The following OR52A1 variants were observed in gnomAD, a reference collection of about 807,000 sequenced individuals.
The protein encoded by OR52A1 is olfactory receptor family 52 subfamily A member 1, also known as olfactory receptor 52A1.
Under a neutral mutation model 14.3 loss-of-function variants are expected in OR52A1, and 14 were observed. The ratio of observed to expected loss-of-function variants is 0.98; its 90% CI spans 0.65 to 1.54. The LOEUF is 1.54. Ranked by LOEUF, OR52A1 falls within the 40% of genes most tolerant of loss-of-function variation. The pLI is 0.00. For missense variants in OR52A1, 405 were observed against 381.3 expected (o/e 1.06, Z -0.52); for synonymous variants, 151 against 135.3 (o/e 1.12, Z -0.80).
In OR52A1 at chr11:5,147,877, C is replaced by A. The variant is rs560409686; in HGVS notation, c.*3554G>T. 1 of 151,452 alleles carries A rather than the reference C, an allele frequency of 6.6e-6. No homozygotes were observed. The highest frequency in any genetic ancestry group is 2.1e-4 in the South Asian group (1 of 4,766). The allele number at this position is 151,452 out of a possible 1,614,324, so 9.4% of individuals were successfully genotyped here. A position where few individuals can be genotyped will look rare whatever the true frequency, so the allele number is the denominator to read the frequency against. ...GAGACATCTCGACTCACCGCAACTT[C>A]TGCCTCCCGGGTTCAAGCGATTCTC... is the stretch of plus-strand genomic sequence containing the variant. On this transcript the variant is annotated 3_prime_UTR_variant, in exon 2 of 2. Coordinates refer to ENST00000380367, the MANE Select transcript of OR52A1 (RefSeq NM_012375.3).
rs1450600883 is a variant in OR52A1, at chr11:5,149,678, C to G, written c.*1753G>C. ...TGAATTTGCCTCTTTTTCCATAAAG[C>G]CTTAGCTATATATTATTTGGCCATT... On this transcript the variant is annotated 3_prime_UTR_variant, in exon 2 of 2. Coordinates refer to ENST00000380367, the MANE Select transcript of OR52A1 (RefSeq NM_012375.3). The G allele has an allele frequency of 2.0e-5, 3 of 152,034 alleles. No homozygotes were observed. Among genetic ancestry groups the G allele is most frequent in the Admixed American group, 1.3e-4 (2 of 15,264 alleles). The allele number at this position is 152,034 out of a possible 1,614,324, so 9.4% of individuals were successfully genotyped here. A position where few individuals can be genotyped will look rare whatever the true frequency, so the allele number is the denominator to read the frequency against.
chr11:5,152,035 A>G lies in OR52A1; in HGVS notation c.335T>C (p.Ile112Thr), dbSNP rs1468103001. 10 of 1,614,098 alleles carry G rather than the reference A, an allele frequency of 6.2e-6. No homozygotes were observed. The highest frequency in any genetic ancestry group is 7.6e-6 in the Non-Finnish European group (9 of 1,179,972). ...QMWFIHTLQGIESGILVAMAL... is the reference protein window; with the variant it reads ...QMWFIHTLQGTESGILVAMAL... ...CATGGCCACAAGGATGCCTGACTCTATACCCTGCAATGTGTGGATGAACCA... is the reference window on the plus strand; with the variant it reads ...CATGGCCACAAGGATGCCTGACTCTGTACCCTGCAATGTGTGGATGAACCA... The change falls in exon 2 of 2, where the codon ATA (isoleucine) becomes ACA (threonine). Residue 112 changes from isoleucine (I) to threonine (T), a missense_variant. Ile to Thr is a moderately conservative substitution (Grantham distance 89). Coordinates refer to ENST00000380367, the MANE Select transcript of OR52A1 (RefSeq NM_012375.3).
rs767335072 is a variant in OR52A1, at chr11:5,151,839, G to A, written c.531C>T (p.Ile177=). The change falls in exon 2 of 2, where the codon ATC becomes ATT. Residue 177 remains isoleucine, a synonymous_variant. Coordinates refer to ENST00000380367, the MANE Select transcript of OR52A1 (RefSeq NM_012375.3). ...CCATATGCTCACAGTAGGAGTGGGA[G>A]ATGACTGTTGTGTGATAAAATTGAA... is the stretch of plus-strand genomic sequence containing the variant. The part of the protein sequence containing the change: ...CRFQFYHTTV[I]SHSYCEHMAI... The A allele has an allele frequency of 1.2e-6, 2 of 1,614,168 alleles. No homozygotes were observed. The highest frequency in any genetic ancestry group is 1.7e-6 in the Non-Finnish European group (2 of 1,180,020).
chr11:5,152,330 A>G lies in OR52A1; in HGVS notation c.40T>C (p.Leu14=). Reference sequence around the variant, plus strand: ...AGGCCTGGGATCCCTACTAGTGTCAACACAGAGGGCATGTAGACTGTGATG... The same window carrying G: ...AGGCCTGGGATCCCTACTAGTGTCAGCACAGAGGGCATGTAGACTGTGATG... ...SNITVYMPSV[L]TLVGIPGLES... The change falls in exon 2 of 2, where the codon TTG becomes CTG. Residue 14 remains leucine, a synonymous_variant. Coordinates refer to ENST00000380367, the MANE Select transcript of OR52A1 (RefSeq NM_012375.3). 1 of 1,613,126 alleles carries G rather than the reference A, an allele frequency of 6.2e-7. No homozygotes were observed. Among genetic ancestry groups the G allele is most frequent in the Non-Finnish European group, 8.5e-7 (1 of 1,179,326 alleles).
chr11:5,154,423 A>G (rs1846586018), intron 1 of OR52A1, 24 bp downstream of exon 1: 2 of 152,208 alleles, frequency 1.3e-5, no homozygotes, highest in African/African-American at 2.4e-5. Context: ...TCCATTTTTC[A>G]TAACACTTTC....
chr11:5,151,150 T>A lies in OR52A1; in HGVS notation c.*281A>T. 4.0e-6 allele frequency: 1 copy of A among 250,144 alleles called. No homozygotes were observed. Among genetic ancestry groups the A allele is most frequent in the African/African-American group, 2.3e-5 (1 of 44,350 alleles). 15.5% of individuals were successfully genotyped at this position (250,144 alleles called of 1,614,324 possible). A position where few individuals can be genotyped will look rare whatever the true frequency, so the allele number is the denominator to read the frequency against. ...CAAAGGCATAATTTATAAATCCTCC[T>A]GGAGAAATATTCTTAGAAGAATAAC... On this transcript the variant is annotated 3_prime_UTR_variant, in exon 2 of 2. Transcript: ENST00000380367.
At position 5,148,162 on chromosome 11, in the gene OR52A1, A is replaced by G. The variant is rs755579427; in HGVS notation, c.*3269T>C. The G allele has an allele frequency of 2.6e-5, 4 of 151,476 alleles. No homozygotes were observed. Among genetic ancestry groups the G allele is most frequent in the Non-Finnish European group, 5.9e-5 (4 of 67,942 alleles). The allele number at this position is 151,476 out of a possible 1,614,324, so 9.4% of individuals were successfully genotyped here. A position where few individuals can be genotyped will look rare whatever the true frequency, so the allele number is the denominator to read the frequency against. ...GGAAATGAGCCAAATGTTGTAAGTTATTTTTCCCAAATTGAACATTTAAAT... is the reference window on the plus strand; with the variant it reads ...GGAAATGAGCCAAATGTTGTAAGTTGTTTTTCCCAAATTGAACATTTAAAT... On this transcript the variant is annotated 3_prime_UTR_variant, in exon 2 of 2. Transcript: ENST00000380367.
In OR52A1 at chr11:5,151,149, C is replaced by A; in HGVS notation, c.*282G>T. 4.1e-6 allele frequency: 1 copy of A among 245,860 alleles called. No homozygotes were observed. Among genetic ancestry groups the A allele is most frequent in the Admixed American group, 5.0e-5 (1 of 20,022 alleles). The allele number at this position is 245,860 out of a possible 1,614,324, so 15.2% of individuals were successfully genotyped here. ...ACAAAGGCATAATTTATAAATCCTC[C>A]TGGAGAAATATTCTTAGAAGAATAA... On this transcript the variant is annotated 3_prime_UTR_variant, in exon 2 of 2. Coordinates refer to ENST00000380367, the MANE Select transcript of OR52A1 (RefSeq NM_012375.3).
intron 1 of OR52A1, among the ~76,000 whole-genome samples, chr11:5,152,895 T>C (rs1488232253): frequency 1.3e-5 from 2 of 152,166 alleles, no homozygotes; most frequent in African/African-American, 4.8e-5. Context: ...AGAATAGAGG[T>C]AGAAATAATT....
Position 5,151,013 on chromosome 11 carries a change from A to AT in OR52A1, c.*417dup, listed in dbSNP as rs144577977. The AT allele has an allele frequency of 1.7e-3, 249 of 147,974 alleles. No homozygotes were observed. The highest frequency in any genetic ancestry group is 7.0e-3 in the Middle Eastern group (2 of 284). 9.2% of individuals were successfully genotyped at this position (147,974 alleles called of 1,614,324 possible). On this transcript the variant is annotated 3_prime_UTR_variant, in exon 2 of 2. Transcript: ENST00000380367. ...ACACAGTTAACATGTACTTCCTTTG[A>AT]TTTTTTTTTTTAAGGCAGGGATGAT...
rs151313871 is a variant in OR52A1, at chr11:5,152,413, T to C, written c.-44A>G. On this transcript the variant is annotated 5_prime_UTR_variant, in exon 2 of 2. Coordinates refer to ENST00000380367, the MANE Select transcript of OR52A1 (RefSeq NM_012375.3). Reference sequence around the variant, plus strand: ...GATGCAAACAAAAGAAGTTTCTCAGTCAGTGTTACTGTTCCTCTTCTGCTT... The same window carrying C: ...GATGCAAACAAAAGAAGTTTCTCAGCCAGTGTTACTGTTCCTCTTCTGCTT... The C allele has an allele frequency of 1.2e-5, 17 of 1,365,792 alleles. No individual in the cohort carries two copies. The African/African-American group carries it at 1.4e-4, about 12-fold the overall frequency. 84.6% of individuals were successfully genotyped at this position (1,365,792 alleles called of 1,614,324 possible). A position where few individuals can be genotyped will look rare whatever the true frequency, so the allele number is the denominator to read the frequency against.
chr11:5,152,960 T>C (rs1157641026), intron 1 of OR52A1, among the ~76,000 whole-genome samples: 10 of 152,188 alleles, frequency 6.6e-5, no homozygotes, highest in Non-Finnish European at 1.3e-4. Context: ...GTAAAGAGAA[T>C]GCTTTAGAAA....
At position 5,151,328 on chromosome 11, in the gene OR52A1, G is replaced by T; in HGVS notation, c.*103C>A. The T allele has an allele frequency of 1.0e-6, 1 of 964,194 alleles. No homozygotes were observed. The highest frequency in any genetic ancestry group is 1.6e-6 in the Non-Finnish European group (1 of 636,206). 59.7% of individuals were successfully genotyped at this position (964,194 alleles called of 1,614,324 possible). A position where few individuals can be genotyped will look rare whatever the true frequency, so the allele number is the denominator to read the frequency against. On this transcript the variant is annotated 3_prime_UTR_variant, in exon 2 of 2. Coordinates refer to ENST00000380367, the MANE Select transcript of OR52A1 (RefSeq NM_012375.3). ...TCTAAAACCAGCTATTGTGCTGGCA[G>T]ATTTCACAAACCCAGCATCTCAAAT...
At position 5,152,523 on chromosome 11, in the gene OR52A1, A is replaced by G; in HGVS notation, c.-154T>C. 1.6e-6 allele frequency: 1 copy of G among 614,236 alleles called. No individual in the cohort carries two copies. The highest frequency in any genetic ancestry group is 3.0e-5 in the Admixed American group (1 of 33,076). The allele number at this position is 614,236 out of a possible 1,614,324, so 38.0% of individuals were successfully genotyped here. On this transcript the variant is annotated 5_prime_UTR_variant, in exon 2 of 2. Transcript: ENST00000380367. Reference sequence around the variant, plus strand: ...CATCCATCTTATTCACAGTTTTGAAAGGAAAAGATGGATTCATGGAGATAC... The same window carrying G: ...CATCCATCTTATTCACAGTTTTGAAGGGAAAAGATGGATTCATGGAGATAC...
Position 5,149,007 on chromosome 11 carries a change from C to T in OR52A1, c.*2424G>A, listed in dbSNP as rs1357478030. 6.6e-6 allele frequency: 1 copy of T among 152,092 alleles called. No individual in the cohort carries two copies. 9.4% of individuals were successfully genotyped at this position (152,092 alleles called of 1,614,324 possible). On this transcript the variant is annotated 3_prime_UTR_variant, in exon 2 of 2. Coordinates refer to ENST00000380367, the MANE Select transcript of OR52A1 (RefSeq NM_012375.3). ...AAGTTAATTTTATGATTTCTAGAAACCTTTCTTGAAAATTATCCTTACAAA... is the reference window on the plus strand; with the variant it reads ...AAGTTAATTTTATGATTTCTAGAAATCTTTCTTGAAAATTATCCTTACAAA...
At chr11:5,154,195 T>G (rs1220028990) in intron 1 of OR52A1, among the ~76,000 whole-genome samples, 1 of 152,144 alleles carries the variant, frequency 6.6e-6, no homozygotes, top group East Asian at 1.9e-4. Flanking sequence ...TCTGACTTAT[T>G]CAAGACCAAA....
Position 5,151,828 on chromosome 11 carries a change from T to C in OR52A1, c.542A>G (p.Tyr181Cys), listed in dbSNP as rs373827162. 34 of 1,613,996 alleles carry C rather than the reference T, an allele frequency of 2.1e-5. No individual in the cohort carries two copies. In the African/African-American group the frequency reaches 4.0e-4, roughly 19 times the overall value. Reference protein sequence around the residue: ...FYHTTVISHSYCEHMAIVKLA... With the variant: ...FYHTTVISHSCCEHMAIVKLA... Reference sequence around the variant, plus strand: ...TTTCACAATGGCCATATGCTCACAGTAGGAGTGGGAGATGACTGTTGTGTG... The same window carrying C: ...TTTCACAATGGCCATATGCTCACAGCAGGAGTGGGAGATGACTGTTGTGTG... Residue 181 changes from tyrosine (Y) to cysteine (C), a missense_variant, in exon 2 of 2, where the codon TAC (tyrosine) becomes TGC (cysteine). Tyr to Cys is a radical substitution (Grantham distance 194). Coordinates refer to ENST00000380367, the MANE Select transcript of OR52A1 (RefSeq NM_012375.3).
In OR52A1 at chr11:5,147,396, A is replaced by T. The variant is rs1011570548; in HGVS notation, c.*4035T>A. 6.6e-6 allele frequency: 1 copy of T among 152,192 alleles called. No individual in the cohort carries two copies. Among genetic ancestry groups the T allele is most frequent in the African/African-American group, 2.4e-5 (1 of 41,440 alleles). 9.4% of individuals were successfully genotyped at this position (152,192 alleles called of 1,614,324 possible). Reference sequence around the variant, plus strand: ...AATTAATAAACTTTGAGTAAAGCATATTGACCTTTATAATGTGCCTTCCAA... The same window carrying T: ...AATTAATAAACTTTGAGTAAAGCATTTTGACCTTTATAATGTGCCTTCCAA... On this transcript the variant is annotated 3_prime_UTR_variant, in exon 2 of 2. Transcript: ENST00000380367.
In OR52A1 at chr11:5,151,575, A is replaced by G. The variant is rs147176940; in HGVS notation, c.795T>C (p.His265=). Residue 265 remains histidine (H), a synonymous_variant, in exon 2 of 2, where the codon CAT becomes CAC. Transcript: ENST00000380367. ...YLLAFFSFFT[H]RFGSHISPYI... ...AAGGGGAGATGTGAGACCCAAACCT[A>G]TGTGTGAAGAAGGAGAAGAAGGCAA... 4 of 1,613,962 alleles carry G rather than the reference A, an allele frequency of 2.5e-6. No individual in the cohort carries two copies. The highest frequency in any genetic ancestry group is 2.7e-5 in the African/African-American group (2 of 74,920).
Sources: allele counts gnomAD v4.1 joint callset (sites outside exome capture counted in the v4.1 genomes callset), GRCh38; gene constraint gnomAD v4.1.1; transcripts MANE v1.5; gene names NCBI Gene and HGNC (gene_info 2026-07-23, HGNC 2026-07-21).